PYY: variants seen among roughly 807,000 people sequenced by gnomAD.
PYY encodes peptide YY, also known as peptide tyrosine tyrosine.
PYY carries 12 observed loss-of-function variants against 10.3 expected under a neutral mutation model. That is an observed-to-expected ratio of 1.17 (90% confidence interval 0.75 to 1.89). The LOEUF is 1.89. Among genes scored for constraint, PYY ranks in the 40% most tolerant of loss-of-function variants. PYY has a pLI of 0.00. For missense variants in PYY, 141 were observed against 134.0 expected (o/e 1.05, Z -0.26); for synonymous variants, 66 against 62.0 (o/e 1.06, Z -0.30).
At chr17:43,963,594 G>T (rs1340030929) in intron 2 of PYY, among the ~76,000 whole-genome samples, 1 of 79,220 alleles carries the variant, frequency 1.3e-5, no homozygotes, top group Non-Finnish European at 2.8e-5. Context: ...AAGAAAGAAA[G>T]AAAGAAAGAA....
intron 1 of PYY, among the ~76,000 whole-genome samples, chr17:43,970,201 TAAAAAAAAAAAA>T (rs59609569): frequency 1.2e-3 from 117 of 95,594 alleles, no homozygotes; most frequent in African/African-American, 4.2e-3. Context: ...CCCTGTCTCT[TAAAAAAAAAAAA>T]AAAAAAAAAA....
At chr17:43,994,019 A>G (rs1312678371) in intron 1 of PYY, among the ~76,000 whole-genome samples, 1 of 151,886 alleles carries the variant, frequency 6.6e-6, no homozygotes, top group Non-Finnish European at 1.5e-5. Context: ...AGGCCTGGCT[A>G]ATTTTCAAAT....
At chr17:44,003,570 G>A (rs928264356) in intron 1 of PYY, among the ~76,000 whole-genome samples, 3 of 146,680 alleles carry the variant, frequency 2.0e-5, no homozygotes, top group Non-Finnish European at 3.0e-5. Context: ...CAGGAGAATC[G>A]CTTGAACCCA....
chr17:43,960,553 A>AC (rs999957598), intron 2 of PYY, among the ~76,000 whole-genome samples: 1 of 147,316 alleles, frequency 6.8e-6, no homozygotes, highest in Non-Finnish European at 1.5e-5. Flanking sequence ...AAAAAAAAAA[A>AC]AACAATATTC....
intron 1 of PYY, among the ~76,000 whole-genome samples, chr17:43,986,750 T>A (rs562872613): frequency 6.0e-4 from 91 of 152,300 alleles, no homozygotes; most frequent in African/African-American, 2.1e-3. Flanking sequence ...GGAGCCACCG[T>A]CAGCGCAGCC....
intron 1 of PYY, among the ~76,000 whole-genome samples, chr17:43,991,931 T>C (rs964109468): frequency 4.0e-5 from 6 of 151,512 alleles, no homozygotes; most frequent in African/African-American, 1.5e-4. Context: ...CTACCCTGAC[T>C]AACACGGTGA....
upstream of PYY, among the ~76,000 whole-genome samples, chr17:43,954,459 G>T (rs1164941119): frequency 2.0e-5 from 3 of 152,230 alleles, no homozygotes; most frequent in Non-Finnish European, 4.4e-5. Context: ...TCTCCTGGAG[G>T]CAGGGTGGGA....
At chr17:43,957,013 CAT>C (rs1482848896), upstream of PYY, among the ~76,000 whole-genome samples, 5 of 152,076 alleles carry the variant, frequency 3.3e-5, no homozygotes, top group East Asian at 9.7e-4. Flanking sequence ...GCCTGGCCAA[CAT>C]GGTGAAACCC....
intron 1 of PYY, among the ~76,000 whole-genome samples, chr17:43,983,680 G>A (rs2048897185): frequency 6.6e-6 from 1 of 152,190 alleles, no homozygotes; most frequent in Admixed American, 6.5e-5. Context: ...GACACCCAAC[G>A]CTCCCCGGGG....
chr17:43,981,258 AG>A (rs757700963), intron 1 of PYY, among the ~76,000 whole-genome samples: 33 of 152,282 alleles, frequency 2.2e-4, no homozygotes, highest in Non-Finnish European at 3.8e-4. Flanking sequence ...GCTGGGTTAT[AG>A]GGTGTGTATG....
chr17:44,000,721 G>C (rs1461171337), intron 1 of PYY, among the ~76,000 whole-genome samples: 1 of 150,624 alleles, frequency 6.6e-6, no homozygotes, highest in Non-Finnish European at 1.5e-5. Context: ...GCTAATTTTT[G>C]TATTTTTTTT....
intron 2 of PYY, among the ~76,000 whole-genome samples, chr17:43,964,871 G>A (rs903590961): frequency 2.6e-5 from 4 of 152,154 alleles, no homozygotes; most frequent in Non-Finnish European, 5.9e-5. Flanking sequence ...ATTCTGAGAC[G>A]TCTGTGTAAT....
At chr17:43,978,263 G>C (rs557933358) in intron 1 of PYY, among the ~76,000 whole-genome samples, 24 of 149,832 alleles carry the variant, frequency 1.6e-4, no homozygotes, top group African/African-American at 5.7e-4. Flanking sequence ...GAAAGAGAAA[G>C]AAAGAGAGAG....
intron 1 of PYY, among the ~76,000 whole-genome samples, chr17:43,996,925 G>A (rs537118712): frequency 6.6e-6 from 1 of 152,166 alleles, no homozygotes; most frequent in African/African-American, 2.4e-5. Context: ...CTGAGCTCAA[G>A]CAATGTACCT....
chr17:43,963,687 C>G (rs577491819), intron 2 of PYY, among the ~76,000 whole-genome samples: 1 of 151,606 alleles, frequency 6.6e-6, no homozygotes, highest in South Asian at 2.1e-4. Flanking sequence ...TAACCCTGAC[C>G]AGGTGCAGTG....
intron 1 of PYY, among the ~76,000 whole-genome samples, chr17:43,979,042 C>T (rs2048866813): frequency 6.6e-6 from 1 of 152,176 alleles, no homozygotes; most frequent in South Asian, 2.1e-4. Flanking sequence ...ATGAGTGTCG[C>T]ACCTTAGGGA....
At chr17:43,991,428 T>C (rs1354987335) in intron 1 of PYY, among the ~76,000 whole-genome samples, 1 of 151,634 alleles carries the variant, frequency 6.6e-6, no homozygotes, top group Admixed American at 6.6e-5. Context: ...TGAAATTCCA[T>C]CTCAAATAAA....
Position 43,997,640 on chromosome 17 carries a change from T to C in PYY, c.-463+6751A>G, listed in dbSNP as rs142911469. Among the ~76,000 whole-genome samples the C allele has an allele frequency of 2.0e-3, 299 of 152,260 alleles. 2 individuals are homozygous for C. The highest frequency in any genetic ancestry group is 6.8e-3 in the African/African-American group (284 of 41,548). On this transcript the variant is annotated intron_variant, in intron 1 of 6. Transcript: ENST00000360085. ...AGTTCAGAACAGAGGAATGACACCA[T>C]GGGACTCACCTTTCAAAAATCACTG...
chr17:43,979,667 C>T (rs1443424041), intron 1 of PYY, among the ~76,000 whole-genome samples: 1 of 151,340 alleles, frequency 6.6e-6, no homozygotes, highest in Non-Finnish European at 1.5e-5. Context: ...GACAGCAAGA[C>T]TCTGTCTCAA....
Sources: gnomAD v4.1 joint callset for allele counts (sites outside exome capture counted in the v4.1 genomes callset) on GRCh38, gnomAD v4.1.1 for gene constraint, MANE v1.5 for transcripts, NCBI Gene and HGNC (gene_info 2026-07-23, HGNC 2026-07-21) for gene names.